Variants in INSR observed in about 807,000 individuals in gnomAD.
INSR encodes the protein insulin receptor.
INSR carries 67 observed loss-of-function variants against 142.6 expected under a neutral mutation model. That is an observed-to-expected ratio of 0.47 (90% CI 0.39 to 0.58). The LOEUF is 0.58. Ranked by LOEUF, INSR falls within the 20% of genes least tolerant of loss-of-function variation. The probability of loss-of-function intolerance (pLI) is 0.00; values close to 1 mark genes in which losing one functional copy is unlikely to be tolerated. For synonymous variants in INSR, 756 were observed against 743.1 expected (o/e 1.02, Z -0.28); for missense variants, 1,248 against 1,833.2 (o/e 0.68, Z 5.83).
At chr19:7,184,089 A>G (rs1020025695) in intron 3 of INSR, among the ~76,000 whole-genome samples, 1 of 151,502 alleles carries the variant, frequency 6.6e-6, no homozygotes, top group African/African-American at 2.4e-5. Flanking sequence ...TGGTGGGCAC[A>G]ATGCCAGAAG....
At position 7,197,567 on chromosome 19, in the gene INSR, TGTGTGTTTGG is replaced by T. The variant is rs1206341677; in HGVS notation, c.653-12940_653-12931del. Among the ~76,000 whole-genome samples the T allele has an allele frequency of 5.2e-4, 36 of 69,130 alleles. 1 individual carries two copies. The highest frequency in any genetic ancestry group is 6.5e-4 in the Non-Finnish European group (22 of 33,926). The allele number at this position is 69,130 out of a possible 152,430, so 45.4% of individuals were successfully genotyped here. On this transcript the variant is annotated intron_variant, in intron 2 of 21. Transcript: ENST00000302850. ...TGTGTCAGGTTCCAGAGTGGGAGTG[TGTGTGTTTGG>T]GTGTGTGTGTGTGTGTGTGTGTCAG...
chr19:7,172,661 TA>T (rs1974045535), intron 4 of INSR, among the ~76,000 whole-genome samples: 1 of 152,122 alleles, frequency 6.6e-6, no homozygotes, highest in Non-Finnish European at 1.5e-5. Flanking sequence ...CTCAGAATAT[TA>T]TTCCACCATA....
intron 2 of INSR, among the ~76,000 whole-genome samples, chr19:7,205,454 T>C (rs1975082600): frequency 6.6e-6 from 1 of 152,190 alleles, no homozygotes; most frequent in South Asian, 2.1e-4. Flanking sequence ...TCCTTCCTCA[T>C]GTCTGCCATG....
chr19:7,158,391 C>T (rs1424506381), intron 9 of INSR, among the ~76,000 whole-genome samples: 1 of 152,072 alleles, frequency 6.6e-6, no homozygotes, highest in African/African-American at 2.4e-5. Flanking sequence ...GTCCCAGCTA[C>T]TCGGGAGGCT....
chr19:7,241,739 A>G (rs1212936999), intron 2 of INSR, among the ~76,000 whole-genome samples: 1 of 150,902 alleles, frequency 6.6e-6, no homozygotes, highest in East Asian at 1.9e-4. Context: ...ACTGGTATTG[A>G]GTGGAGGCCA....
chr19:7,220,073 T>C (rs1438339239), intron 2 of INSR, among the ~76,000 whole-genome samples: 1 of 152,054 alleles, frequency 6.6e-6, no homozygotes, highest in Non-Finnish European at 1.5e-5. Flanking sequence ...GAGCCAATCA[T>C]AAGAGTCTGA....
intron 13 of INSR, among the ~76,000 whole-genome samples, chr19:7,136,848 T>TATATATATATATATA (rs71177159): frequency 9.8e-5 from 14 of 143,168 alleles, no homozygotes; most frequent in African/African-American, 2.4e-4. Context: ...TATATATATA[T>TATATATATATATATA]TGAGATGGTG....
intron 2 of INSR, among the ~76,000 whole-genome samples, chr19:7,205,865 G>A (rs182346419): frequency 2.6e-5 from 4 of 152,290 alleles, no homozygotes; most frequent in Admixed American, 2.6e-4. Flanking sequence ...CTCCAGCCTG[G>A]GTGACAGAGT....
rs1050277788 is a variant in INSR, at chr19:7,150,098, T to C, written c.2267+399A>G. 6.6e-6 allele frequency among the ~76,000 whole-genome samples: 1 copy of C among 152,008 alleles called. No homozygotes were observed. Among genetic ancestry groups the C allele is most frequent in the Non-Finnish European group, 1.5e-5 (1 of 67,994 alleles). On this transcript the variant is annotated intron_variant, in intron 11 of 21. Coordinates refer to ENST00000302850, the MANE Select transcript of INSR (RefSeq NM_000208.4). This position sits in a 1 kb window ranked among gnomAD's most constrained non-coding sequence, Gnocchi z 4.2. Reference sequence around the variant, plus strand: ...CTGTTTCCAGATCAACCTCCATTCATGGTGTAGGAGCTGCTGGGTCGGGGC... The same window carrying C: ...CTGTTTCCAGATCAACCTCCATTCACGGTGTAGGAGCTGCTGGGTCGGGGC...
chr19:7,233,746 G>A (rs574898821), intron 2 of INSR, among the ~76,000 whole-genome samples: 22 of 124,416 alleles, frequency 1.8e-4, no homozygotes, highest in African/African-American at 4.6e-4. Flanking sequence ...CACGATCTCC[G>A]CTCACTGCAA....
chr19:7,253,776 C>A (rs1253502870), intron 2 of INSR, among the ~76,000 whole-genome samples: 1 of 152,030 alleles, frequency 6.6e-6, no homozygotes, highest in African/African-American at 2.4e-5. Flanking sequence ...CGCCTGTCAT[C>A]CCAACACTTT....
At chr19:7,201,725 C>T (rs111516445) in intron 2 of INSR, among the ~76,000 whole-genome samples, 3,287 of 139,712 alleles carry the variant, frequency 0.024, 172 homozygotes, top group African/African-American at 0.089. Flanking sequence ...TGCAGTGGCG[C>T]GATCTCGGCT....
At chr19:7,223,427 C>T (rs968462265) in intron 2 of INSR, among the ~76,000 whole-genome samples, 12 of 152,108 alleles carry the variant, frequency 7.9e-5, no homozygotes, top group African/African-American at 2.9e-4. Flanking sequence ...TAAAATTCTG[C>T]TTTGGGGTGA....
chr19:7,221,222 A>C (rs937831787), intron 2 of INSR, among the ~76,000 whole-genome samples: 1 of 151,770 alleles, frequency 6.6e-6, no homozygotes, highest in Non-Finnish European at 1.5e-5. Context: ...AAAAACACAA[A>C]AATTAACCGG....
chr19:7,152,512 C>CT, intron 10 of INSR: 1 of 618,402 alleles, frequency 1.6e-6, no homozygotes, highest in South Asian at 1.8e-5. Flanking sequence ...CATTTTTCCC[C>CT]TTTTGTGCGA....
At chr19:7,215,769 A>G (rs1230329540) in intron 2 of INSR, among the ~76,000 whole-genome samples, 2 of 151,600 alleles carry the variant, frequency 1.3e-5, no homozygotes, top group African/African-American at 2.4e-5. Context: ...GGGTTTTACC[A>G]TGTTGGCCTG....
At chr19:7,197,407 A>C (rs1216351704) in intron 2 of INSR, among the ~76,000 whole-genome samples, 9 of 152,168 alleles carry the variant, frequency 5.9e-5, no homozygotes, top group Admixed American at 4.6e-4. Flanking sequence ...CATGCTGCGG[A>C]TCTCTTAGGA....
intron 2 of INSR, among the ~76,000 whole-genome samples, chr19:7,264,169 CAAAAAAA>C (rs367805026): frequency 8.5e-6 from 1 of 117,570 alleles, no homozygotes; most frequent in Non-Finnish European, 1.8e-5. Flanking sequence ...AACTCCATCT[CAAAAAAA>C]AAAAAAAAAA....
intron 9 of INSR, among the ~76,000 whole-genome samples, chr19:7,155,819 T>C (rs556168370): frequency 6.7e-5 from 10 of 148,896 alleles, no homozygotes; most frequent in African/African-American, 4.9e-5. Flanking sequence ...GAGGCTGAGG[T>C]AGGAGGATTG....
Sources: gnomAD v4.1 joint callset for allele counts (sites outside exome capture counted in the v4.1 genomes callset) on GRCh38, gnomAD v4.1.1 for gene constraint, Gnocchi (gnomAD v3.1) non-coding constraint, MANE v1.5 for transcripts, NCBI Gene and HGNC (gene_info 2026-07-23, HGNC 2026-07-21) for gene names.